The following PDGFD variants were observed in gnomAD, a reference collection of about 807,000 sequenced individuals.
The protein encoded by PDGFD is platelet derived growth factor D.
PDGFD carries 30 observed loss-of-function variants against 44.7 expected under a neutral mutation model. The ratio of observed to expected loss-of-function variants is 0.67; its 90% CI spans 0.50 to 0.91. The LOEUF (loss-of-function observed/expected upper bound fraction) is 0.91, where lower values mean the gene tolerates loss of function less well. Ranked by LOEUF, PDGFD falls within the 40% of genes least tolerant of loss-of-function variation. The pLI is 0.00. For synonymous variants in PDGFD, 173 were observed against 168.4 expected (o/e 1.03, Z -0.21); for missense variants, 445 against 457.8 (o/e 0.97, Z 0.25).
At chr11:103,963,419 G>A (rs762142734) in intron 3 of PDGFD, among the ~76,000 whole-genome samples, 4 of 152,174 alleles carry the variant, frequency 2.6e-5, no homozygotes, top group Non-Finnish European at 5.9e-5. Flanking sequence ...ATCATCATTA[G>A]ATAAAAGAAT....
intron 1 of PDGFD, among the ~76,000 whole-genome samples, chr11:104,162,448 T>G (rs941544456): frequency 6.6e-6 from 1 of 152,086 alleles, no homozygotes; most frequent in African/African-American, 2.4e-5. Context: ...GCCTAATCCT[T>G]AAGTGTAGTA....
intron 5 of PDGFD, among the ~76,000 whole-genome samples, chr11:103,938,567 C>T (rs976676953): frequency 3.3e-5 from 5 of 152,190 alleles, no homozygotes; most frequent in African/African-American, 1.2e-4. Flanking sequence ...AATTAGATCC[C>T]ATTTGTCAAT....
intron 1 of PDGFD, among the ~76,000 whole-genome samples, chr11:104,006,857 C>G (rs1176855350): frequency 2.0e-5 from 3 of 152,130 alleles, no homozygotes; most frequent in African/African-American, 4.8e-5. Flanking sequence ...CAATAAAACC[C>G]CCACATTCAT....
chr11:104,103,808 T>C (rs1476763885), intron 1 of PDGFD, among the ~76,000 whole-genome samples: 2 of 152,166 alleles, frequency 1.3e-5, no homozygotes, highest in African/African-American at 2.4e-5. Context: ...ACATAGTACT[T>C]GATAATAATT....
chr11:103,911,714 G>A (rs1044067328), intron 6 of PDGFD, among the ~76,000 whole-genome samples: 29 of 152,070 alleles, frequency 1.9e-4, no homozygotes, highest in African/African-American at 6.7e-4. Context: ...CCCAATGCAA[G>A]GAAGCTAAGA....
chr11:104,125,721 CT>C (rs1453458176), intron 1 of PDGFD, among the ~76,000 whole-genome samples: 2 of 152,044 alleles, frequency 1.3e-5, no homozygotes, highest in African/African-American at 4.8e-5. Context: ...TTACCAATGA[CT>C]TTTTTAGAGG....
chr11:104,063,820 C>T (rs1860748519), intron 1 of PDGFD, among the ~76,000 whole-genome samples: 1 of 152,116 alleles, frequency 6.6e-6, no homozygotes, highest in African/African-American at 2.4e-5. Context: ...CCAGTCACCT[C>T]CCATCAGGTA....
At chr11:103,979,039 T>C (rs1859224834) in intron 3 of PDGFD, among the ~76,000 whole-genome samples, 1 of 152,042 alleles carries the variant, frequency 6.6e-6, no homozygotes, top group Non-Finnish European at 1.5e-5. Context: ...GCTTTCCCCA[T>C]GAGATACTGA....
At chr11:103,956,331 C>A (rs570975583) in intron 3 of PDGFD, among the ~76,000 whole-genome samples, 3 of 151,052 alleles carry the variant, frequency 2.0e-5, no homozygotes, top group Non-Finnish European at 4.4e-5. Context: ...TTTGTCTTTG[C>A]GATAGATTAC....
chr11:104,076,558 T>G lies in PDGFD; in HGVS notation c.125-76303A>C, dbSNP rs1349885105. Among the ~76,000 whole-genome samples the G allele has an allele frequency of 2.6e-5, 4 of 152,150 alleles. No homozygotes were observed. In the East Asian group the frequency reaches 7.7e-4, roughly 29 times the overall value. On this transcript the variant is annotated intron_variant, in intron 1 of 6. Coordinates refer to ENST00000393158, the MANE Select transcript of PDGFD (RefSeq NM_025208.5). ...ATAAACTTATTGTGACCTATCTAACTCAGCTTTCTGAACCTTGAATCATAC... is the reference window on the plus strand; with the variant it reads ...ATAAACTTATTGTGACCTATCTAACGCAGCTTTCTGAACCTTGAATCATAC...
At chr11:104,045,316 A>T (rs1042757298) in intron 1 of PDGFD, among the ~76,000 whole-genome samples, 7 of 152,168 alleles carry the variant, frequency 4.6e-5, no homozygotes, top group Admixed American at 6.5e-5. Context: ...TCTGGACTGG[A>T]AAGTTAAGTA....
chr11:104,068,261 T>C (rs1591147709), intron 1 of PDGFD, among the ~76,000 whole-genome samples: 1 of 152,252 alleles, frequency 6.6e-6, no homozygotes, highest in East Asian at 1.9e-4. Flanking sequence ...TATGTCTGGC[T>C]CCAAAGTTCT....
rs372251989 is a variant in PDGFD, at chr11:104,163,996, G to C, written c.-69C>G. ...GGGTTCTGCTCCCGGGACCGACGCC[G>C]CGCCGCCCTGCGCTCTCGCCGCCTG... On this transcript the variant is annotated 5_prime_UTR_variant, in exon 1 of 7. Coordinates refer to ENST00000393158, the MANE Select transcript of PDGFD (RefSeq NM_025208.5). The C allele has an allele frequency of 7.0e-7, 1 of 1,435,752 alleles. No homozygotes were observed. Among genetic ancestry groups the C allele is most frequent in the South Asian group, 1.6e-5 (1 of 61,752 alleles). The allele number at this position is 1,435,752 out of a possible 1,614,324, so 88.9% of individuals were successfully genotyped here. A position where few individuals can be genotyped will look rare whatever the true frequency, so the allele number is the denominator to read the frequency against.
At chr11:104,049,179 G>C (rs1376219393) in intron 1 of PDGFD, among the ~76,000 whole-genome samples, 1 of 152,178 alleles carries the variant, frequency 6.6e-6, no homozygotes, top group Non-Finnish European at 1.5e-5. Flanking sequence ...ATAAAGCACT[G>C]TTCAGGAACA....
At chr11:103,988,903 G>T (rs915039019) in intron 3 of PDGFD, among the ~76,000 whole-genome samples, 2 of 152,138 alleles carry the variant, frequency 1.3e-5, no homozygotes, top group Non-Finnish European at 2.9e-5. Context: ...ATTCATGCAA[G>T]ACTTAGTAGT....
chr11:104,051,911 G>T (rs1350741079), intron 1 of PDGFD, among the ~76,000 whole-genome samples: 1 of 152,002 alleles, frequency 6.6e-6, no homozygotes, highest in East Asian at 1.9e-4. Flanking sequence ...TGATTCAGCG[G>T]CAGTTAACAC....
chr11:104,163,994 C>CCGCGCCGCCCTGCGCT lies in PDGFD; in HGVS notation c.-83_-68dup. Reference sequence around the variant, plus strand: ...CCGGGTTCTGCTCCCGGGACCGACGCCGCGCCGCCCTGCGCTCTCGCCGCC... The same window carrying CCGCGCCGCCCTGCGCT: ...CCGGGTTCTGCTCCCGGGACCGACGCCGCGCCGCCCTGCGCTCGCGCCGCCCTGCGCTCTCGCCGCC... On this transcript the variant is annotated 5_prime_UTR_variant, in exon 1 of 7. Transcript: ENST00000393158. 1 of 1,456,210 alleles carries CCGCGCCGCCCTGCGCT rather than the reference C, an allele frequency of 6.9e-7. No individual in the cohort carries two copies. The highest frequency in any genetic ancestry group is 9.2e-7 in the Non-Finnish European group (1 of 1,088,956). 90.2% of individuals were successfully genotyped at this position (1,456,210 alleles called of 1,614,324 possible). A position where few individuals can be genotyped will look rare whatever the true frequency, so the allele number is the denominator to read the frequency against.
In PDGFD at chr11:104,001,739, T is replaced by C. The variant is rs563053473; in HGVS notation, c.125-1484A>G. Among the ~76,000 whole-genome samples, 3 of 152,318 alleles carry C rather than the reference T, an allele frequency of 2.0e-5. No homozygotes were observed. In the South Asian group the frequency reaches 6.2e-4, roughly 32 times the overall value. ...CTCCAGCCACAGTCTATTTATGTTA[T>C]CCTGCAGAGAGTTTACTTTGAGGAC... On this transcript the variant is annotated intron_variant, in intron 1 of 6. Transcript: ENST00000393158.
chr11:103,970,781 C>CT (rs1859092106), intron 3 of PDGFD, among the ~76,000 whole-genome samples: 1 of 152,008 alleles, frequency 6.6e-6, no homozygotes, highest in African/African-American at 2.4e-5. Context: ...ATGATGCTCC[C>CT]TGGGGGCATA....
Sources: gnomAD v4.1 joint callset for allele counts (sites outside exome capture counted in the v4.1 genomes callset) on GRCh38, gnomAD v4.1.1 for gene constraint, MANE v1.5 for transcripts, NCBI Gene and HGNC (gene_info 2026-07-23, HGNC 2026-07-21) for gene names.